CCSER1: variants seen among roughly 807,000 people sequenced by gnomAD.
CCSER1 encodes serine-rich coiled-coil domain-containing protein 1.
CCSER1 carries 41 observed loss-of-function variants against 82.0 expected under a neutral mutation model. That is an observed-to-expected ratio of 0.50 (90% confidence interval 0.39 to 0.65). CCSER1 has a LOEUF of 0.65. Ranked by LOEUF, CCSER1 falls within the 30% of genes least tolerant of loss-of-function variation. The probability of loss-of-function intolerance (pLI) is 0.00; values close to 1 mark genes in which losing one functional copy is unlikely to be tolerated. For missense variants in CCSER1, 1,119 were observed against 1,064.2 expected, an observed-to-expected ratio of 1.05 and a Z score of -0.72; for synonymous variants, 414 against 383.9, an observed-to-expected ratio of 1.08 and a Z score of -0.92.
chr4:91,519,418 G>A (rs73838026), intron 10 of CCSER1, among the ~76,000 whole-genome samples: 8,074 of 152,238 alleles, frequency 0.053, 234 homozygotes, highest in Middle Eastern at 0.078. Flanking sequence ...CAGACCAGTG[G>A]GTATTATCCT....
At chr4:90,234,383 AT>A (rs1354428728) in intron 1 of CCSER1, among the ~76,000 whole-genome samples, 1 of 151,962 alleles carries the variant, frequency 6.6e-6, no homozygotes, top group East Asian at 1.9e-4. Context: ...CGCCCAGCTA[AT>A]TTTTGTATTT....
intron 3 of CCSER1, among the ~76,000 whole-genome samples, chr4:90,326,669 A>G (rs1404200098): frequency 6.6e-6 from 1 of 152,232 alleles, no homozygotes; most frequent in Non-Finnish European, 1.5e-5. Context: ...AGTGAGAAAC[A>G]TTAAGAATTT....
At chr4:90,573,189 A>G (rs1352397716) in intron 5 of CCSER1, among the ~76,000 whole-genome samples, 1 of 152,236 alleles carries the variant, frequency 6.6e-6, no homozygotes, top group African/African-American at 2.4e-5. Context: ...GGCTTGCTAC[A>G]GCAGGCACAG....
chr4:91,202,209 G>A lies in CCSER1; in HGVS notation c.2217+116215G>A, dbSNP rs982112504. Among the ~76,000 whole-genome samples, 70 of 151,296 alleles carry A rather than the reference G, an allele frequency of 4.6e-4. 1 individual carries two copies. Among genetic ancestry groups the A allele is most frequent in the Non-Finnish European group, 5.5e-4 (37 of 67,814 alleles). On this transcript the variant is annotated intron_variant, in intron 10 of 10. Transcript: ENST00000509176. ...AAAAAAAAAAGGCCAAAGTGTTGGG[G>A]AGAATCTGCCCTATAAAATAATCAA...
intron 3 of CCSER1, among the ~76,000 whole-genome samples, chr4:90,383,076 T>C (rs1433086472): frequency 6.6e-6 from 1 of 152,048 alleles, no homozygotes; most frequent in East Asian, 1.9e-4. Context: ...GTAAGAATAA[T>C]ATGAGATCAC....
At chr4:90,230,376 G>T (rs986271549) in intron 1 of CCSER1, among the ~76,000 whole-genome samples, 6 of 152,058 alleles carry the variant, frequency 3.9e-5, no homozygotes, top group African/African-American at 1.4e-4. Flanking sequence ...TGACTACTGG[G>T]TATATAACGA....
At chr4:91,349,263 GT>G (rs201056257) in intron 10 of CCSER1, among the ~76,000 whole-genome samples, 2 of 151,840 alleles carry the variant, frequency 1.3e-5, no homozygotes, top group Non-Finnish European at 2.9e-5. Flanking sequence ...AGGGTTGGGT[GT>G]TTTTTTTACT....
At position 90,998,722 on chromosome 4, in the gene CCSER1, AG is replaced by A. The variant is rs1482725699; in HGVS notation, c.2172+75276del. Among the ~76,000 whole-genome samples, 279 of 67,240 alleles carry A rather than the reference AG, an allele frequency of 4.1e-3. 1 individual carries two copies. Among genetic ancestry groups the A allele is most frequent in the African/African-American group, 0.012 (270 of 21,944 alleles). The allele number at this position is 67,240 out of a possible 152,430, so 44.1% of individuals were successfully genotyped here. ...CCATAAATCTAATTTAGCATTACAC[AG>A]TTTTTTTTTTTTACTTTTACATTAG... is the stretch of plus-strand genomic sequence containing the variant. On this transcript the variant is annotated intron_variant, in intron 9 of 10. Coordinates refer to ENST00000509176, the MANE Select transcript of CCSER1 (RefSeq NM_001145065.2).
intron 1 of CCSER1, among the ~76,000 whole-genome samples, chr4:90,221,692 C>CTACCCTTTGGCATGAATGATTACTGTA (rs1437128262): frequency 6.6e-6 from 1 of 152,084 alleles, no homozygotes; most frequent in East Asian, 1.9e-4. Flanking sequence ...TTAATAACAT[C>CTACCCTTTGGCATGAATGATTACTGTA]TACCCTTTGG....
chr4:90,271,339 A>G (rs150077844), intron 1 of CCSER1, among the ~76,000 whole-genome samples: 24 of 152,128 alleles, frequency 1.6e-4, no homozygotes. Context: ...AAATCCATAC[A>G]TCTATGGTGA....
chr4:90,610,011 G>T (rs1317381178), intron 5 of CCSER1, among the ~76,000 whole-genome samples: 1 of 152,068 alleles, frequency 6.6e-6, no homozygotes, highest in African/African-American at 2.4e-5. Context: ...CCAGCACTTT[G>T]GGAGGCCAAG....
At chr4:90,726,454 A>T (rs1743661650) in intron 7 of CCSER1, among the ~76,000 whole-genome samples, 1 of 152,062 alleles carries the variant, frequency 6.6e-6, no homozygotes, top group South Asian at 2.1e-4. Context: ...GGAAAAAAAG[A>T]TGGCATCCTA....
At position 91,013,549 on chromosome 4, in the gene CCSER1, T is replaced by TA. The variant is rs891794012; in HGVS notation, c.2173-72401_2173-72400insA. On this transcript the variant is annotated intron_variant, in intron 9 of 10. Coordinates refer to ENST00000509176, the MANE Select transcript of CCSER1 (RefSeq NM_001145065.2). ...TTCTCAAGACATATATATATATATA[T>TA]TTTTTTGCTAGTCTGTCTGTTTCCA... Among the ~76,000 whole-genome samples the TA allele has an allele frequency of 2.6e-4, 30 of 116,732 alleles. 5 individuals are homozygous for TA. The highest frequency in any genetic ancestry group is 8.2e-4 in the African/African-American group (23 of 27,966). The allele number at this position is 116,732 out of a possible 152,430, so 76.6% of individuals were successfully genotyped here.
At chr4:91,468,840 T>A (rs139271834) in intron 10 of CCSER1, among the ~76,000 whole-genome samples, 2 of 152,234 alleles carry the variant, frequency 1.3e-5, no homozygotes, top group African/African-American at 2.4e-5. Context: ...GAGGTATAAA[T>A]ACATCTCAAG....
At chr4:90,592,357 A>G (rs967830788) in intron 5 of CCSER1, among the ~76,000 whole-genome samples, 10 of 152,168 alleles carry the variant, frequency 6.6e-5, no homozygotes, top group Admixed American at 1.3e-4. Flanking sequence ...TTAGACTTTG[A>G]GTCAAAAGTA....
chr4:91,427,939 T>C (rs894604263), intron 10 of CCSER1, among the ~76,000 whole-genome samples: 2 of 152,036 alleles, frequency 1.3e-5, no homozygotes, highest in Non-Finnish European at 2.9e-5. Context: ...GATATAGCTT[T>C]TATTTAGCTC....
chr4:90,842,469 CA>C (rs1476818952), intron 8 of CCSER1, among the ~76,000 whole-genome samples: 2 of 152,042 alleles, frequency 1.3e-5, no homozygotes, highest in African/African-American at 2.4e-5. Flanking sequence ...AGGGATGAAG[CA>C]ACATCTGGAT....
intron 7 of CCSER1, among the ~76,000 whole-genome samples, chr4:90,809,633 T>C (rs886125220): frequency 3.3e-5 from 5 of 152,012 alleles, no homozygotes; most frequent in Non-Finnish European, 5.9e-5. Context: ...TTCACCACTA[T>C]ACAATTCATC....
intron 6 of CCSER1, among the ~76,000 whole-genome samples, chr4:90,666,646 C>T (rs539919183): frequency 5.3e-5 from 8 of 152,256 alleles, no homozygotes; most frequent in South Asian, 4.1e-4. Flanking sequence ...TGCCCTATCA[C>T]GTGCTGAAGA....
Sources: allele counts gnomAD v4.1 joint callset (sites outside exome capture counted in the v4.1 genomes callset), GRCh38; gene constraint gnomAD v4.1.1; transcripts MANE v1.5; gene names NCBI Gene and HGNC (gene_info 2026-07-23, HGNC 2026-07-21).